The following MGRN1 variants were observed in gnomAD, a reference collection of about 807,000 sequenced individuals.
MGRN1 encodes E3 ubiquitin-protein ligase MGRN1.
A neutral mutation model predicts 69.2 loss-of-function variants in MGRN1; 29 were observed. The ratio of observed to expected loss-of-function variants is 0.42; its 90% confidence interval spans 0.31 to 0.57. The LOEUF (loss-of-function observed/expected upper bound fraction) is 0.57, where lower values mean the gene tolerates loss of function less well. MGRN1 is among the 20% of genes least tolerant of loss of function. The pLI is 0.15. For missense variants in MGRN1, 998 were observed against 796.2 expected (o/e 1.25, Z -3.05); for synonymous variants, 470 against 344.2 (o/e 1.37, Z -4.04).
At position 4,651,987 on chromosome 16, in the gene MGRN1, C is replaced by T; in HGVS notation, c.232C>T (p.His78Tyr). 2 of 1,614,024 alleles carry T rather than the reference C, an allele frequency of 1.2e-6. No individual in the cohort carries two copies. Among genetic ancestry groups the T allele is most frequent in the Non-Finnish European group, 1.7e-6 (2 of 1,179,958 alleles). ...GTTTCCCTACGTCACTCCTGCCCCC[C>T]ACGAGCCCGTGAAGACGCTGCGGAG... ...VQFPYVTPAP[H>Y]EPVKTLRSLV... The change falls in exon 3 of 17, where the codon CAC becomes TAC. Residue 78 changes from histidine to tyrosine, a missense_variant. By Grantham distance (83) the His-to-Tyr change is moderately conservative (BLOSUM62 2). Coordinates refer to ENST00000262370, the MANE Select transcript of MGRN1 (RefSeq NM_015246.4).
rs1481330575 is a variant in MGRN1 at position 4,688,786 on chromosome 16, C to G, written c.1619-10C>G. 6.5e-7 allele frequency: 1 copy of G among 1,537,992 alleles called. No homozygotes were observed. Among genetic ancestry groups the G allele is most frequent in the African/African-American group, 1.4e-5 (1 of 72,886 alleles). On this transcript the variant is annotated splice_polypyrimidine_tract_variant and intron_variant, in intron 16 of 16. Coordinates refer to ENST00000262370, the MANE Select transcript of MGRN1 (RefSeq NM_015246.4). Reference sequence around the variant, plus strand: ...GAGTGTGACCCTCCTCCCTCTGCTCCCACCTGCAGGACGGCCCACCTCCAT... The same window carrying G: ...GAGTGTGACCCTCCTCCCTCTGCTCGCACCTGCAGGACGGCCCACCTCCAT...
At chr16:4,684,216 C>G (rs534732592) in intron 16 of MGRN1, among the ~76,000 whole-genome samples, 1 of 152,250 alleles carries the variant, frequency 6.6e-6, no homozygotes, top group Non-Finnish European at 1.5e-5. Context: ...GTGAGAGACG[C>G]GAGAGAGGCT....
At chr16:4,638,087 C>A (rs1458629526) in intron 1 of MGRN1, among the ~76,000 whole-genome samples, 1 of 152,198 alleles carries the variant, frequency 6.6e-6, no homozygotes, top group Non-Finnish European at 1.5e-5. Flanking sequence ...TGTGTTCACA[C>A]CTGCCGGAGG....
intron 5 of MGRN1, among the ~76,000 whole-genome samples, chr16:4,660,262 C>T (rs2078646885): frequency 6.6e-6 from 1 of 152,188 alleles, no homozygotes; most frequent in South Asian, 2.1e-4. Flanking sequence ...TGGGTTTGCC[C>T]CTCTGTAGAC....
intron 1 of MGRN1, among the ~76,000 whole-genome samples, chr16:4,642,362 A>G (rs1162293431): frequency 6.6e-6 from 1 of 151,310 alleles, no homozygotes; most frequent in Non-Finnish European, 1.5e-5. Flanking sequence ...CAATGGTGTG[A>G]TCTCCGCTCA....
intron 4 of MGRN1, among the ~76,000 whole-genome samples, chr16:4,654,576 CTG>C (rs1462488868): frequency 6.6e-6 from 1 of 152,358 alleles, no homozygotes; most frequent in East Asian, 1.9e-4. Context: ...AGCTTTGCAT[CTG>C]GGGATAGGGT....
At chr16:4,656,306 G>T (rs1461684984) in intron 4 of MGRN1, among the ~76,000 whole-genome samples, 2 of 152,206 alleles carry the variant, frequency 1.3e-5, no homozygotes, top group Admixed American at 6.5e-5. Context: ...TCCCCCAGGG[G>T]CCCTGACTGA....
At chr16:4,686,910 C>G in intron 16 of MGRN1, 1 of 985,508 alleles carries the variant, frequency 1.0e-6, no homozygotes, top group Non-Finnish European at 1.2e-6. Context: ...AAGCTCAGTC[C>G]CTGTCTCTTG....
intron 2 of MGRN1, 91 bp downstream of exon 2, chr16:4,650,574 C>A: frequency 2.0e-6 from 2 of 996,698 alleles, no homozygotes; most frequent in Non-Finnish European, 3.0e-6. Flanking sequence ...GGCAAGCAGG[C>A]ACCAAATCAC....
At chr16:4,687,722 T>C in intron 16 of MGRN1, 2 of 985,484 alleles carry the variant, frequency 2.0e-6, no homozygotes, top group Non-Finnish European at 2.4e-6. Flanking sequence ...AGCTCTGGTC[T>C]GCCGAGGCCC....
chr16:4,628,146 G>A (rs761764705), intron 1 of MGRN1, among the ~76,000 whole-genome samples: 10 of 151,246 alleles, frequency 6.6e-5, no homozygotes, highest in Non-Finnish European at 1.2e-4. Flanking sequence ...CAGCACTTTG[G>A]GAGGCCGAGG....
chr16:4,652,481 G>A (rs1416792642), intron 3 of MGRN1, among the ~76,000 whole-genome samples, 197 bp from the exon 4 acceptor site: 1 of 152,176 alleles, frequency 6.6e-6, no homozygotes, highest in Non-Finnish European at 1.5e-5. Context: ...CCCGTCTTCT[G>A]TGGGCAGGAA....
chr16:4,664,552 CT>C (rs1446506154), intron 5 of MGRN1, 156 bp from the exon 6 acceptor site: 2 of 704,650 alleles, frequency 2.8e-6, no homozygotes, highest in Admixed American at 5.3e-5. Flanking sequence ...GGTGCCAAGC[CT>C]GGCATCCGCC....
In MGRN1 at chr16:4,668,925, TACAC is replaced by T. The variant is rs199799667; in HGVS notation, c.726+617_726+620del. On this transcript the variant is annotated intron_variant, in intron 8 of 16. Transcript: ENST00000262370. ...ACTCGCACACATATACAGACATACATACACACAATCACTTGCACACATATACATA... is the reference window on the plus strand; with the variant it reads ...ACTCGCACACATATACAGACATACATACAATCACTTGCACACATATACATA... 8.6e-5 allele frequency among the ~76,000 whole-genome samples: 13 copies of T among 151,744 alleles called. No homozygotes were observed. In the South Asian group the frequency reaches 1.5e-3, roughly 17 times the overall value.
Position 4,624,862 on chromosome 16 carries a change from T to A in MGRN1, c.-99T>A, listed in dbSNP as rs1037376271. 9.9e-7 allele frequency: 1 copy of A among 1,007,442 alleles called. No individual in the cohort carries two copies. Among genetic ancestry groups the A allele is most frequent in the Non-Finnish European group, 1.3e-6 (1 of 746,530 alleles). 62.4% of individuals were successfully genotyped at this position (1,007,442 alleles called of 1,614,324 possible). ...GCGCCTCCGCGGCCGTGGACGAGCG[T>A]CCGTGCGGCCTGGTCCGGGCCATGT... is the stretch of plus-strand genomic sequence containing the variant. On this transcript the variant is annotated 5_prime_UTR_variant, in exon 1 of 17. Coordinates refer to ENST00000262370, the MANE Select transcript of MGRN1 (RefSeq NM_015246.4).
chr16:4,647,507 C>T (rs1222011830), intron 1 of MGRN1, among the ~76,000 whole-genome samples: 1 of 152,190 alleles, frequency 6.6e-6, no homozygotes, highest in African/African-American at 2.4e-5. Flanking sequence ...TTTGCTCCAC[C>T]CCTCGTCTGC....
chr16:4,640,794 G>A (rs1038944640), intron 1 of MGRN1, among the ~76,000 whole-genome samples: 4 of 152,216 alleles, frequency 2.6e-5, no homozygotes, highest in African/African-American at 4.8e-5. Context: ...TCCTGTCCCC[G>A]TGGTCCCCCG....
intron 14 of MGRN1, 31 bp downstream of exon 14, chr16:4,682,977 C>A: frequency 6.6e-7 from 1 of 1,511,976 alleles, no homozygotes; most frequent in South Asian, 1.3e-5. Context: ...CTTTGCGCAC[C>A]CGCCCGGGCC....
intron 5 of MGRN1, among the ~76,000 whole-genome samples, chr16:4,663,581 A>G (rs1407886322): frequency 6.6e-6 from 1 of 152,150 alleles, no homozygotes; most frequent in African/African-American, 2.4e-5. Flanking sequence ...GTTCTGTGCC[A>G]GACACCGAGG....
Sources: gnomAD v4.1 joint callset for allele counts (sites outside exome capture counted in the v4.1 genomes callset) on GRCh38, gnomAD v4.1.1 for gene constraint, MANE v1.5 for transcripts, NCBI Gene and HGNC (gene_info 2026-07-23, HGNC 2026-07-21) for gene names.